DNAAF4: variants seen among roughly 807,000 people sequenced by gnomAD.
DNAAF4 encodes the protein dynein axonemal assembly factor 4, also known as dynein assembly factor 4, axonemal.
Under a neutral mutation model 51.8 loss-of-function variants are expected in DNAAF4, and 43 were observed. The ratio of observed to expected loss-of-function variants is 0.83; its 90% CI spans 0.65 to 1.07. The LOEUF is 1.07. DNAAF4 is among the 50% of genes least tolerant of loss of function. The pLI is 0.00. For synonymous variants in DNAAF4, 194 were observed against 165.6 expected, an observed-to-expected ratio of 1.17 and a Z score of -1.32; for missense variants, 581 against 493.0, an observed-to-expected ratio of 1.18 and a Z score of -1.69.
Position 55,430,363 on chromosome 15 carries a change from T to C in DNAAF4, c.*307A>G. On this transcript the variant is annotated 3_prime_UTR_variant, in exon 10 of 10. Transcript: ENST00000321149. ...ACCTTGTTAAAAATTAATCAGTAAGTGTCCTGGTAACTATACCAAAACATA... is the reference window on the plus strand; with the variant it reads ...ACCTTGTTAAAAATTAATCAGTAAGCGTCCTGGTAACTATACCAAAACATA... 2.0e-6 allele frequency: 2 copies of C among 985,244 alleles called. No individual in the cohort carries two copies. Among genetic ancestry groups the C allele is most frequent in the Non-Finnish European group, 2.4e-6 (2 of 828,230 alleles). The allele number at this position is 985,244 out of a possible 1,614,324, so 61.0% of individuals were successfully genotyped here. A position where few individuals can be genotyped will look rare whatever the true frequency, so the allele number is the denominator to read the frequency against.
chr15:55,461,108 G>A (rs754027024), intron 5 of DNAAF4, among the ~76,000 whole-genome samples: 30 of 141,694 alleles, frequency 2.1e-4, no homozygotes, highest in Non-Finnish European at 3.5e-4. Context: ...TTGCACTGTT[G>A]CCCAGGCTGG....
At chr15:55,449,443 G>A (rs1006807927) in intron 6 of DNAAF4, among the ~76,000 whole-genome samples, 3 of 149,480 alleles carry the variant, frequency 2.0e-5, no homozygotes, top group Admixed American at 6.7e-5. Flanking sequence ...AGGGTGGATC[G>A]CCTGAGGTCA....
At chr15:55,481,546 G>A (rs1202353314) in intron 4 of DNAAF4, among the ~76,000 whole-genome samples, 1 of 152,146 alleles carries the variant, frequency 6.6e-6, no homozygotes, top group African/African-American at 2.4e-5. Flanking sequence ...TCCAGGTGAC[G>A]ATGCCAGCCC....
At chr15:55,463,174 A>T (rs868619801) in intron 5 of DNAAF4, among the ~76,000 whole-genome samples, 13 of 118,540 alleles carry the variant, frequency 1.1e-4, no homozygotes, top group East Asian at 6.9e-4. Context: ...ACTCTGTCTC[A>T]CACACACACA....
intron 1 of DNAAF4, among the ~76,000 whole-genome samples, chr15:55,501,611 G>A (rs1419072849): frequency 1.1e-3 from 162 of 143,974 alleles, no homozygotes; most frequent in Middle Eastern, 8.3e-3. Context: ...TCCTGACCTC[G>A]TGATCAACCC....
chr15:55,500,406 TC>T (rs2058690267), intron 1 of DNAAF4, among the ~76,000 whole-genome samples: 1 of 152,220 alleles, frequency 6.6e-6, no homozygotes, highest in Non-Finnish European at 1.5e-5. Flanking sequence ...TTTGTTCTAT[TC>T]CTACTTTTAC....
intron 4 of DNAAF4, among the ~76,000 whole-genome samples, chr15:55,482,503 C>T (rs868124444): frequency 6.6e-6 from 1 of 151,972 alleles, no homozygotes; most frequent in Non-Finnish European, 1.5e-5. Flanking sequence ...ATGGCAAAAC[C>T]CCCTCTCTAC....
chr15:55,475,265 C>T (rs984630173), intron 4 of DNAAF4, among the ~76,000 whole-genome samples: 1 of 152,008 alleles, frequency 6.6e-6, no homozygotes, highest in Non-Finnish European at 1.5e-5. Flanking sequence ...TTGGCAATTC[C>T]CCTCCACAAA....
chr15:55,460,136 C>G (rs1458367657), intron 5 of DNAAF4, among the ~76,000 whole-genome samples: 1 of 151,582 alleles, frequency 6.6e-6, no homozygotes, highest in Non-Finnish European at 1.5e-5. Flanking sequence ...ATTTATGCAC[C>G]TAACACTAGA....
chr15:55,470,058 T>C (rs2058230776), intron 4 of DNAAF4, among the ~76,000 whole-genome samples: 1 of 150,284 alleles, frequency 6.7e-6, no homozygotes, highest in South Asian at 2.1e-4. Flanking sequence ...TTACCCCTTT[T>C]TTTTTTTTTC....
chr15:55,491,024 T>C, intron 4 of DNAAF4, 99 bp downstream of exon 4: 1 of 1,414,612 alleles, frequency 7.1e-7, no homozygotes, highest in Non-Finnish European at 9.7e-7. Flanking sequence ...AAACAAAGTA[T>C]GAAGAAAATG....
intron 4 of DNAAF4, among the ~76,000 whole-genome samples, chr15:55,477,270 G>A (rs1048334019): frequency 6.6e-6 from 1 of 152,052 alleles, no homozygotes; most frequent in Non-Finnish European, 1.5e-5. Context: ...AAGATGGTAA[G>A]TTGTATGTTA....
At position 55,498,340 on chromosome 15, in the gene DNAAF4, ACGGGAGCGGATAG is replaced by A. The variant is rs771558247; in HGVS notation, c.-24_-12del. On this transcript the variant is annotated 5_prime_UTR_variant, in exon 2 of 10. Coordinates refer to ENST00000321149, the MANE Select transcript of DNAAF4 (RefSeq NM_130810.4). ...AACCTGAAGAGGCATTCCGGTAGCA[ACGGGAGCGGATAG>A]CGCGGCTGGTTGCTTCTTGCGCCTG... The A allele has an allele frequency of 1.9e-5, 31 of 1,596,394 alleles. No homozygotes were observed. Among genetic ancestry groups the A allele is most frequent in the Middle Eastern group, 1.7e-4 (1 of 5,976 alleles).
chr15:55,444,674 A>T (rs1280246896), intron 6 of DNAAF4, among the ~76,000 whole-genome samples: 1 of 152,186 alleles, frequency 6.6e-6, no homozygotes, highest in Non-Finnish European at 1.5e-5. Context: ...CTTTCTATCC[A>T]TGAGCTTGGA....
At chr15:55,498,075 A>T (rs937939845) in intron 2 of DNAAF4, 132 bp downstream of exon 2, 3 of 1,496,586 alleles carry the variant, frequency 2.0e-6, no homozygotes, top group Non-Finnish European at 2.7e-6. Flanking sequence ...TATGGGATTC[A>T]TTTTTTTAAT....
chr15:55,491,475 G>A (rs1234195792), intron 3 of DNAAF4, among the ~76,000 whole-genome samples: 1 of 149,994 alleles, frequency 6.7e-6, no homozygotes, highest in Non-Finnish European at 1.5e-5. Context: ...TGAAGGGGGT[G>A]GAGAGGAAGA....
At chr15:55,475,981 A>G (rs1268485321) in intron 4 of DNAAF4, among the ~76,000 whole-genome samples, 1 of 152,218 alleles carries the variant, frequency 6.6e-6, no homozygotes, top group African/African-American at 2.4e-5. Flanking sequence ...TAAGGCTCTC[A>G]TGAAACAATG....
rs1491340646 is a variant in DNAAF4 at position 55,490,256 on chromosome 15, A to AATGGGG, written c.405+866_405+867insCCCCAT. On this transcript the variant is annotated intron_variant, in intron 4 of 9. Coordinates refer to ENST00000321149, the MANE Select transcript of DNAAF4 (RefSeq NM_130810.4). ...AATAGATAAGCAGTTGCCTAGGACT[A>AATGGGG]AGTGTTAGGGGAAATGGGGAGTGGC... is the stretch of plus-strand genomic sequence containing the variant. Among the ~76,000 whole-genome samples the AATGGGG allele has an allele frequency of 4.6e-3, 703 of 152,216 alleles. 5 individuals carry two copies. Among genetic ancestry groups the AATGGGG allele is most frequent in the Non-Finnish European group, 7.9e-3 (538 of 68,026 alleles).
chr15:55,435,787 T>G (rs1219738144), intron 7 of DNAAF4, among the ~76,000 whole-genome samples: 1 of 152,180 alleles, frequency 6.6e-6, no homozygotes, highest in African/African-American at 2.4e-5. Flanking sequence ...CTTTGCTTTT[T>G]TTTGTTTGTT....
Sources: allele counts gnomAD v4.1 joint callset (sites outside exome capture counted in the v4.1 genomes callset), GRCh38; gene constraint gnomAD v4.1.1; transcripts MANE v1.5; gene names NCBI Gene and HGNC (gene_info 2026-07-23, HGNC 2026-07-21).